Variants in INTS6L observed in about 807,000 individuals in gnomAD.
The protein encoded by INTS6L is integrator complex subunit 6-like.
Under a neutral mutation model 64.7 loss-of-function variants are expected in INTS6L, and 18 were observed. That is an observed-to-expected ratio of 0.28 (90% CI 0.19 to 0.41). The LOEUF is 0.41. Among genes scored for constraint, INTS6L ranks in the 10% least tolerant of loss-of-function variants. INTS6L has a pLI of 1.00. For synonymous variants in INTS6L, 227 were observed against 235.9 expected (o/e 0.96, Z 0.34); for missense variants, 533 against 661.0 (o/e 0.81, Z 2.12).
intron 2 of INTS6L, among the ~76,000 whole-genome samples, chrX:135,533,105 A>G (rs1556506293): frequency 9.3e-6 from 1 of 107,763 alleles, no homozygotes; most frequent in African/African-American, 3.6e-5. Flanking sequence ...AAAAACAAAA[A>G]AACAACTTTT....
chrX:135,556,112 G>A, intron 8 of INTS6L, 56 bp from the exon 9 acceptor site: 1 of 1,084,908 alleles, frequency 9.2e-7, no homozygotes, highest in South Asian at 2.6e-5. Flanking sequence ...CAATGGGTTT[G>A]GTTTGACATA....
intron 2 of INTS6L, among the ~76,000 whole-genome samples, chrX:135,528,695 C>T (rs782519787): frequency 2.7e-5 from 3 of 111,814 alleles, no homozygotes; most frequent in Admixed American, 9.5e-5. Flanking sequence ...TTTCTTTTTA[C>T]TTTTTCAATG....
chrX:135,524,908 C>G (rs180735709), intron 2 of INTS6L, among the ~76,000 whole-genome samples: 3 of 112,427 alleles, frequency 2.7e-5, no homozygotes, highest in East Asian at 2.8e-4. Flanking sequence ...AAAAAGCGTA[C>G]GAAATGTAAG....
intron 8 of INTS6L, among the ~76,000 whole-genome samples, chrX:135,553,414 C>A (rs1556517779): frequency 9.1e-6 from 1 of 109,802 alleles, no homozygotes; most frequent in Non-Finnish European, 1.9e-5. Flanking sequence ...GCGATCCTCC[C>A]ACCTCAGCCC....
At chrX:135,573,164 G>A in intron 12 of INTS6L, 131 bp downstream of exon 12, 1 of 539,302 alleles carries the variant, frequency 1.9e-6, no homozygotes, top group Non-Finnish European at 3.0e-6. Flanking sequence ...GACCAGTTTA[G>A]GAATTGTCAG....
At chrX:135,560,107 C>T (rs1439986149) in intron 9 of INTS6L, among the ~76,000 whole-genome samples, 3 of 112,267 alleles carry the variant, frequency 2.7e-5, no homozygotes, top group Non-Finnish European at 3.8e-5. Flanking sequence ...ATTGGTGTTA[C>T]GCAGTTTTCC....
chrX:135,543,598 A>G (rs191124792), intron 2 of INTS6L, among the ~76,000 whole-genome samples: 24 of 111,879 alleles, frequency 2.1e-4, no homozygotes, highest in Middle Eastern at 4.6e-3. Context: ...CTATATCCCC[A>G]GCACGTAGCA....
At position 135,577,517 on chromosome X, in the gene INTS6L, T is replaced by C. The variant is rs1230302765; in HGVS notation, c.2119+90T>C. 5.5e-6 allele frequency: 5 copies of C among 916,041 alleles called. No individual in the cohort carries two copies. The African/African-American group carries it at 9.8e-5, about 18-fold the overall frequency. The allele number at this position is 916,041 out of a possible 1,213,427, so 75.5% of individuals were successfully genotyped here. ...TTCCCTTTTTGTGTTCCTTCCTTTG[T>C]GTTCAGTTTGTGTTCATTAAGTAAG... On this transcript the variant is annotated intron_variant, in intron 15 of 17. Transcript: ENST00000639893.
chrX:135,543,379 C>T (rs1190773931), intron 2 of INTS6L, among the ~76,000 whole-genome samples: 6 of 111,138 alleles, frequency 5.4e-5, no homozygotes, highest in African/African-American at 2.0e-4. Context: ...TAAGTCCTAT[C>T]CTTTTATCTG....
intron 13 of INTS6L, among the ~76,000 whole-genome samples, chrX:135,574,747 G>A (rs1556529872): frequency 8.9e-6 from 1 of 111,959 alleles, no homozygotes; most frequent in Non-Finnish European, 1.9e-5. Flanking sequence ...TGGATGATAA[G>A]TGAATGCCAT....
intron 16 of INTS6L, among the ~76,000 whole-genome samples, 183 bp downstream of exon 16, chrX:135,580,345 C>T (rs782169966): frequency 4.5e-5 from 5 of 112,047 alleles, no homozygotes; most frequent in African/African-American, 1.3e-4. Flanking sequence ...GTTTTTTCCC[C>T]TTATTTCTTG....
At chrX:135,574,930 G>A (rs2087182102) in intron 13 of INTS6L, among the ~76,000 whole-genome samples, 154 bp from the exon 14 acceptor site, 1 of 112,363 alleles carries the variant, frequency 8.9e-6, no homozygotes, top group Non-Finnish European at 1.9e-5. Flanking sequence ...GGGATGAAGA[G>A]AGATGATTCT....
chrX:135,572,348 T>G (rs1208792808), intron 11 of INTS6L: 1 of 112,665 alleles, frequency 8.9e-6, no homozygotes, highest in Non-Finnish European at 1.9e-5. Flanking sequence ...TTTTCAGACC[T>G]TTTTTGGATA....
Position 135,546,914 on chromosome X carries a change from G to A in INTS6L, c.613+29G>A, listed in dbSNP as rs782362037. On this transcript the variant is annotated intron_variant, in intron 5 of 17. Transcript: ENST00000639893. ...TTGGCAATATTTAATGTTTCTGAAGGAAAAATTCAGAGCATAGAGTATATT... is the reference window on the plus strand; with the variant it reads ...TTGGCAATATTTAATGTTTCTGAAGAAAAAATTCAGAGCATAGAGTATATT... 2.5e-6 allele frequency: 3 copies of A among 1,186,239 alleles called. No homozygotes were observed. The African/African-American group carries it at 5.3e-5, about 21-fold the overall frequency.
intron 14 of INTS6L, among the ~76,000 whole-genome samples, chrX:135,576,609 A>G (rs1556531111): frequency 9.0e-6 from 1 of 110,976 alleles, no homozygotes; most frequent in African/African-American, 3.3e-5. Context: ...CTATCCCCCC[A>G]AGAGTGAAAA....
intron 2 of INTS6L, among the ~76,000 whole-genome samples, chrX:135,522,484 A>C (rs1321056052): frequency 1.8e-5 from 2 of 112,364 alleles, no homozygotes; most frequent in East Asian, 5.5e-4. Context: ...TTAAACTGTT[A>C]AATCAACCTG....
chrX:135,577,263 C>T lies in INTS6L; in HGVS notation c.1955C>T (p.Pro652Leu), dbSNP rs372288314. ...AACAAAGTGAAACGTCCAGGGGAAC[C>T]CAACAGTCCTATGTCATCTAAGAGA... is the stretch of plus-strand genomic sequence containing the variant. ...PQNKVKRPGEPNSPMSSKRRR... is the reference protein window; with the variant it reads ...PQNKVKRPGELNSPMSSKRRR... Residue 652 changes from proline (P) to leucine (L), a missense_variant, in exon 15 of 18, where the codon CCC becomes CTC. By Grantham distance (98) the Pro-to-Leu change is moderately conservative. Coordinates refer to ENST00000639893, the MANE Select transcript of INTS6L (RefSeq NM_001351601.3). The T allele has an allele frequency of 8.1e-5, 98 of 1,209,572 alleles. No individual in the cohort carries two copies. Among genetic ancestry groups the T allele is most frequent in the Non-Finnish European group, 1.1e-4 (96 of 895,210 alleles).
chrX:135,529,258 T>C (rs1483708161), intron 2 of INTS6L, among the ~76,000 whole-genome samples: 1 of 112,115 alleles, frequency 8.9e-6, no homozygotes, highest in Non-Finnish European at 1.9e-5. Context: ...CAGCATTCTT[T>C]AGGAAGTGTA....
intron 2 of INTS6L, among the ~76,000 whole-genome samples, chrX:135,539,525 G>A (rs1569508973): frequency 8.9e-6 from 1 of 111,931 alleles, no homozygotes; most frequent in Admixed American, 9.5e-5. Context: ...CAATGTGGCT[G>A]TTTTTCTTCT....
Sources: gnomAD v4.1 joint callset for allele counts (sites outside exome capture counted in the v4.1 genomes callset) on GRCh38, gnomAD v4.1.1 for gene constraint, MANE v1.5 for transcripts, NCBI Gene and HGNC (gene_info 2026-07-23, HGNC 2026-07-21) for gene names.